Variants in FNDC3A observed in about 807,000 individuals in gnomAD.
The protein encoded by FNDC3A is fibronectin type III domain containing 3A.
FNDC3A carries 32 observed loss-of-function variants against 148.9 expected under a neutral mutation model. The observed-to-expected ratio is 0.21, with a 90% CI of 0.16 to 0.29. The LOEUF (loss-of-function observed/expected upper bound fraction) is 0.29, where lower values mean the gene tolerates loss of function less well. Among genes scored for constraint, FNDC3A ranks in the 10% least tolerant of loss-of-function variants. The pLI is 1.00. For missense variants in FNDC3A, 1,191 were observed against 1,452.8 expected, an observed-to-expected ratio of 0.82 and a Z score of 2.93; for synonymous variants, 472 against 473.6, an observed-to-expected ratio of 1.00 and a Z score of 0.04.
intron 17 of FNDC3A, among the ~76,000 whole-genome samples, chr13:49,190,598 T>G (rs1353716402): frequency 6.6e-6 from 1 of 152,202 alleles, no homozygotes; most frequent in Admixed American, 6.5e-5. Flanking sequence ...CTAAACCTCC[T>G]TACAACAATA....
chr13:49,007,874 T>C (rs1034336311), intron 2 of FNDC3A, among the ~76,000 whole-genome samples: 1 of 152,160 alleles, frequency 6.6e-6, no homozygotes, highest in Non-Finnish European at 1.5e-5. Flanking sequence ...CCTTGAATTC[T>C]AACTAGCAGG....
chr13:49,092,135 C>T (rs994454523), intron 3 of FNDC3A, among the ~76,000 whole-genome samples: 1 of 152,236 alleles, frequency 6.6e-6, no homozygotes, highest in Non-Finnish European at 1.5e-5. Flanking sequence ...ACCTCAAGCA[C>T]CATTGGATCT....
chr13:49,143,195 GTAC>G (rs1388477607), intron 7 of FNDC3A, among the ~76,000 whole-genome samples: 6 of 151,942 alleles, frequency 3.9e-5, no homozygotes, highest in Non-Finnish European at 2.9e-5. Flanking sequence ...GAATGAGTTA[GTAC>G]TAAAAGATTT....
At chr13:49,115,352 C>T (rs866156345) in intron 4 of FNDC3A, among the ~76,000 whole-genome samples, 7 of 152,284 alleles carry the variant, frequency 4.6e-5, no homozygotes, top group African/African-American at 9.6e-5. Flanking sequence ...ACTGAGATTT[C>T]GTATGGTCTG....
intron 4 of FNDC3A, among the ~76,000 whole-genome samples, chr13:49,123,407 C>T (rs1881488218): frequency 1.3e-5 from 2 of 152,022 alleles, no homozygotes; most frequent in South Asian, 4.2e-4. Flanking sequence ...AGAGGAAAAC[C>T]TAGGCAATAC....
intron 2 of FNDC3A, among the ~76,000 whole-genome samples, chr13:49,033,187 A>C (rs1046855908): frequency 1.6e-4 from 25 of 152,208 alleles, no homozygotes; most frequent in African/African-American, 5.8e-4. Context: ...TGTGGCTTTA[A>C]AATAAAATAT....
chr13:49,009,448 C>T (rs1952291589), intron 2 of FNDC3A, among the ~76,000 whole-genome samples: 1 of 152,122 alleles, frequency 6.6e-6, no homozygotes, highest in African/African-American at 2.4e-5. Flanking sequence ...TTTGAGTGTA[C>T]ATAAGTTTTA....
chr13:49,077,423 C>G (rs1878189333), intron 3 of FNDC3A, among the ~76,000 whole-genome samples: 1 of 152,276 alleles, frequency 6.6e-6, no homozygotes, highest in Admixed American at 6.5e-5. Flanking sequence ...AACTTCCTGT[C>G]TTCCCCCATT....
intron 2 of FNDC3A, among the ~76,000 whole-genome samples, chr13:49,041,801 G>A (rs1291062011): frequency 7.0e-6 from 1 of 143,460 alleles, no homozygotes; most frequent in Non-Finnish European, 1.5e-5. Flanking sequence ...ACAACAAAGC[G>A]AGACTCTGTC....
intron 3 of FNDC3A, among the ~76,000 whole-genome samples, chr13:49,077,838 G>A (rs1054828625): frequency 1.3e-4 from 20 of 152,174 alleles, no homozygotes; most frequent in African/African-American, 4.6e-4. Context: ...CATTTGTGCA[G>A]CAGTTATGGC....
At chr13:49,053,111 T>C (rs538368837) in intron 2 of FNDC3A, among the ~76,000 whole-genome samples, 12 of 152,294 alleles carry the variant, frequency 7.9e-5, no homozygotes, top group Middle Eastern at 6.8e-3. Context: ...TCTAGGCAGC[T>C]AGTGACTAGG....
intron 3 of FNDC3A, among the ~76,000 whole-genome samples, chr13:49,105,235 C>T (rs1422474279): frequency 6.6e-6 from 1 of 152,106 alleles, no homozygotes; most frequent in Non-Finnish European, 1.5e-5. Context: ...TTATACATGC[C>T]TGGCTGGTAG....
chr13:49,136,390 T>C lies in FNDC3A; in HGVS notation c.549T>C (p.Tyr183=), dbSNP rs751001700. 11 of 1,613,876 alleles carry C rather than the reference T, an allele frequency of 6.8e-6. No homozygotes were observed. Among genetic ancestry groups the C allele is most frequent in the Admixed American group, 6.7e-5 (4 of 59,990 alleles). Residue 183 remains tyrosine, a synonymous_variant, in exon 6 of 26, where the codon TAT becomes TAC. Transcript: ENST00000492622. ...GAGATGAACGATCTAGTAAAACATA[T>C]GAACGTTTGCAGAAAAAATTGAAGG... ...NFRDERSSKT[Y]ERLQKKLKDR... is the part of the protein sequence containing the mutation.
intron 11 of FNDC3A, 22 bp from the exon 12 acceptor site, chr13:49,174,413 A>G (rs1284190918): frequency 6.3e-7 from 1 of 1,597,038 alleles, no homozygotes; most frequent in Non-Finnish European, 8.6e-7. Context: ...CATGGTATAT[A>G]ATAATCAGCC....
chr13:49,182,430 G>A (rs774064911), intron 14 of FNDC3A, among the ~76,000 whole-genome samples: 8 of 151,990 alleles, frequency 5.3e-5, no homozygotes, highest in African/African-American at 9.7e-5. Flanking sequence ...TTTTTTAAAC[G>A]ATCAAAGCCT....
chr13:49,068,941 A>G (rs956213847), intron 2 of FNDC3A, among the ~76,000 whole-genome samples: 114 of 152,348 alleles, frequency 7.5e-4, no homozygotes, highest in African/African-American at 2.6e-3. Flanking sequence ...GTAGGAAAAA[A>G]TAACTATTGG....
At chr13:49,104,977 C>T (rs1880082142) in intron 3 of FNDC3A, among the ~76,000 whole-genome samples, 1 of 152,066 alleles carries the variant, frequency 6.6e-6, no homozygotes, top group South Asian at 2.1e-4. Context: ...TTTGGTACAT[C>T]ATAAAATATA....
chr13:49,102,174 A>C (rs892736858), intron 3 of FNDC3A, among the ~76,000 whole-genome samples: 4 of 150,372 alleles, frequency 2.7e-5, no homozygotes, highest in African/African-American at 9.8e-5. Flanking sequence ...CTTTATTCTT[A>C]TTGTTTTTTC....
intron 1 of FNDC3A, among the ~76,000 whole-genome samples, chr13:48,991,243 T>C (rs1362728298): frequency 6.6e-6 from 1 of 152,206 alleles, no homozygotes; most frequent in African/African-American, 2.4e-5. Context: ...AGATATGCCA[T>C]GCTTACACTA....
Sources: gnomAD v4.1 joint callset for allele counts (sites outside exome capture counted in the v4.1 genomes callset) on GRCh38, gnomAD v4.1.1 for gene constraint, MANE v1.5 for transcripts, NCBI Gene and HGNC (gene_info 2026-07-23, HGNC 2026-07-21) for gene names.